The following ZBTB7C variants were observed in gnomAD, a reference collection of about 807,000 sequenced individuals.
ZBTB7C encodes zinc finger and BTB domain containing 7C.
ZBTB7C carries 8 observed loss-of-function variants against 25.7 expected under a neutral mutation model. The observed-to-expected ratio is 0.31, with a 90% confidence interval of 0.18 to 0.56. The LOEUF is 0.56. Ranked by LOEUF, ZBTB7C falls within the 20% of genes least tolerant of loss-of-function variation. The probability of loss-of-function intolerance (pLI) is 0.91; values close to 1 mark genes in which losing one functional copy is unlikely to be tolerated. For missense variants in ZBTB7C, 824 were observed against 855.2 expected (o/e 0.96, Z 0.46); for synonymous variants, 394 against 369.0 (o/e 1.07, Z -0.78).
At chr18:48,130,856 T>C (rs1205336580) in intron 3 of ZBTB7C, among the ~76,000 whole-genome samples, 1 of 152,212 alleles carries the variant, frequency 6.6e-6, no homozygotes, top group East Asian at 1.9e-4. Context: ...GAGATTCAAC[T>C]TCAGTACTTC....
chr18:48,070,188 C>T (rs1387540448), intron 3 of ZBTB7C, among the ~76,000 whole-genome samples: 1 of 152,182 alleles, frequency 6.6e-6, no homozygotes, highest in Non-Finnish European at 1.5e-5. Flanking sequence ...GGTCTGTGTG[C>T]CGGGCATTGC....
intron 3 of ZBTB7C, among the ~76,000 whole-genome samples, chr18:48,185,615 A>G (rs981466576): frequency 2.6e-5 from 4 of 152,158 alleles, no homozygotes; most frequent in African/African-American, 9.7e-5. Flanking sequence ...TGTGGCCCCA[A>G]GTAAAAAAAA....
At chr18:48,200,145 C>T (rs2042407050) in intron 2 of ZBTB7C, among the ~76,000 whole-genome samples, 1 of 152,114 alleles carries the variant, frequency 6.6e-6, no homozygotes, top group Non-Finnish European at 1.5e-5. Flanking sequence ...TATTTCAGAA[C>T]TTCACGACAC....
intron 2 of ZBTB7C, among the ~76,000 whole-genome samples, chr18:48,200,265 G>A (rs552001544): frequency 2.4e-4 from 36 of 152,198 alleles, no homozygotes; most frequent in African/African-American, 6.5e-4. Context: ...CCACCTGGTC[G>A]TGCCCCTTTC....
intron 2 of ZBTB7C, among the ~76,000 whole-genome samples, chr18:48,221,533 G>C (rs2042957566): frequency 7.5e-6 from 1 of 133,276 alleles, no homozygotes; most frequent in South Asian, 2.4e-4. Flanking sequence ...CTGTCACCTA[G>C]TCTCCTCTAC....
chr18:48,245,222 A>C (rs902390881), intron 2 of ZBTB7C, among the ~76,000 whole-genome samples: 1 of 151,714 alleles, frequency 6.6e-6, no homozygotes, highest in African/African-American at 2.4e-5. Context: ...GTAACTCAGG[A>C]ATGGAAAACA....
chr18:48,366,081 G>A (rs1327520964), intron 1 of ZBTB7C, among the ~76,000 whole-genome samples: 1 of 152,196 alleles, frequency 6.6e-6, no homozygotes, highest in East Asian at 1.9e-4. Context: ...CTCTAAAAGT[G>A]TACCTTCCCT....
At chr18:48,230,093 C>G (rs953136237) in intron 2 of ZBTB7C, among the ~76,000 whole-genome samples, 6 of 152,208 alleles carry the variant, frequency 3.9e-5, no homozygotes, top group African/African-American at 1.4e-4. Flanking sequence ...TTAACCCAAC[C>G]CCATAATTAA....
At chr18:48,197,126 T>G (rs1396995288) in intron 2 of ZBTB7C, among the ~76,000 whole-genome samples, 1 of 152,102 alleles carries the variant, frequency 6.6e-6, no homozygotes, top group East Asian at 1.9e-4. Context: ...ATGTGGAAGG[T>G]GCATGCAAGG....
chr18:48,404,903 T>G (rs1325607289), intron 1 of ZBTB7C, among the ~76,000 whole-genome samples: 1 of 152,166 alleles, frequency 6.6e-6, no homozygotes, highest in Non-Finnish European at 1.5e-5. Flanking sequence ...CTCCAGCATG[T>G]GAGGGCTGTG....
At chr18:48,154,851 T>C (rs557986850) in intron 3 of ZBTB7C, among the ~76,000 whole-genome samples, 57 of 152,332 alleles carry the variant, frequency 3.7e-4, no homozygotes, top group Non-Finnish European at 5.4e-4. Flanking sequence ...CTGAGCTATA[T>C]TGCCACTGCT....
In ZBTB7C at chr18:48,040,155, G is replaced by T. The variant is rs371251738; in HGVS notation, c.953C>A (p.Pro318Gln). The T allele has an allele frequency of 1.9e-6, 3 of 1,577,832 alleles. No individual in the cohort carries two copies. The highest frequency in any genetic ancestry group is 2.6e-6 in the Non-Finnish European group (3 of 1,162,238). ...DFFKDMFPDL[P>Q]GGPLGPIKAE... ...CTTGATGGGTCCCAGAGGCCCCCCCGGCAGGTCAGGGAACATGTCCTTGAA... is the reference window on the plus strand; with the variant it reads ...CTTGATGGGTCCCAGAGGCCCCCCCTGCAGGTCAGGGAACATGTCCTTGAA... Residue 318 changes from proline to glutamine, a missense_variant, in exon 4 of 5, where the codon CCG becomes CAG. Coordinates refer to ENST00000590800, the MANE Select transcript of ZBTB7C (RefSeq NM_001318841.2).
chr18:48,242,125 A>G (rs1459765567), intron 2 of ZBTB7C, among the ~76,000 whole-genome samples: 3 of 152,168 alleles, frequency 2.0e-5, no homozygotes, highest in Non-Finnish European at 2.9e-5. Flanking sequence ...CTGGAAGTAT[A>G]CAATCCTCCT....
chr18:48,108,152 C>T (rs62087382), intron 3 of ZBTB7C, among the ~76,000 whole-genome samples: 26,050 of 152,022 alleles, frequency 0.17, 2,490 homozygotes, highest in Non-Finnish European at 0.22. Flanking sequence ...TTCTAATGGC[C>T]CTATTTTACA....
chr18:48,093,616 AACAAAAAAAAC>A (rs2038502426), intron 3 of ZBTB7C, among the ~76,000 whole-genome samples: 2 of 137,482 alleles, frequency 1.5e-5, no homozygotes, highest in Admixed American at 7.6e-5. Flanking sequence ...ATTAAAAAAA[AACAAAAAAAAC>A]ACACACACAG....
intron 3 of ZBTB7C, among the ~76,000 whole-genome samples, chr18:48,123,001 C>T (rs997028233): frequency 2.6e-5 from 4 of 152,148 alleles, no homozygotes; most frequent in Admixed American, 1.3e-4. Flanking sequence ...TGGGGCTGGT[C>T]GAACTTGTCC....
At chr18:48,047,057 A>G (rs1210954364) in intron 3 of ZBTB7C, among the ~76,000 whole-genome samples, 2 of 152,110 alleles carry the variant, frequency 1.3e-5, no homozygotes, top group East Asian at 3.9e-4. Context: ...CAGGCAGGAG[A>G]CTAACCTCAG....
intron 2 of ZBTB7C, among the ~76,000 whole-genome samples, chr18:48,206,147 T>C (rs2042571643): frequency 6.6e-6 from 1 of 152,156 alleles, no homozygotes; most frequent in Non-Finnish European, 1.5e-5. Context: ...AGGTCAATAA[T>C]GAAGAAGAAC....
intron 4 of ZBTB7C, among the ~76,000 whole-genome samples, chr18:48,035,136 G>A (rs1006353630): frequency 1.3e-5 from 2 of 152,258 alleles, no homozygotes; most frequent in Non-Finnish European, 2.9e-5. Flanking sequence ...AGAGCAGGCA[G>A]CTGTGGGGGC....
Sources: allele counts gnomAD v4.1 joint callset (sites outside exome capture counted in the v4.1 genomes callset), GRCh38; gene constraint gnomAD v4.1.1; transcripts MANE v1.5; gene names NCBI Gene and HGNC (gene_info 2026-07-23, HGNC 2026-07-21).